CSMD1: variants seen among roughly 807,000 people sequenced by gnomAD.
CSMD1 encodes CUB and Sushi multiple domains 1, also known as CUB and sushi domain-containing protein 1.
Under a neutral mutation model 417.5 loss-of-function variants are expected in CSMD1, and 213 were observed. That is an observed-to-expected ratio of 0.51 (90% CI 0.46 to 0.57). The LOEUF (loss-of-function observed/expected upper bound fraction) is 0.57. Ranked by LOEUF, CSMD1 falls within the 20% of genes least tolerant of loss-of-function variation. CSMD1 has a pLI of 0.00. For synonymous variants in CSMD1, 2,862 were observed against 1,736.8 expected, an observed-to-expected ratio of 1.65 and a Z score of -16.11; for missense variants, 6,923 against 4,529.7, an observed-to-expected ratio of 1.53 and a Z score of -15.17.
intron 5 of CSMD1, among the ~76,000 whole-genome samples, chr8:3,813,091 GTT>G (rs10714284): frequency 0.015 from 2,095 of 135,452 alleles, 45 homozygotes; most frequent in African/African-American, 0.05. Context: ...TTTTAAGCTA[GTT>G]TTTTTTTTTT....
At chr8:4,671,616 T>C (rs746838563) in intron 1 of CSMD1, among the ~76,000 whole-genome samples, 43 of 152,198 alleles carry the variant, frequency 2.8e-4, no homozygotes, top group Admixed American at 5.2e-4. Flanking sequence ...ACAGTTCCTC[T>C]CTCAGCACAG....
chr8:4,199,530 C>T (rs1799528877), intron 3 of CSMD1, among the ~76,000 whole-genome samples: 1 of 152,102 alleles, frequency 6.6e-6, no homozygotes, highest in Admixed American at 6.6e-5. Context: ...TATAAGCGAT[C>T]ATCAGTATTG....
chr8:3,078,338 C>T (rs1813838467), intron 49 of CSMD1, among the ~76,000 whole-genome samples: 1 of 152,098 alleles, frequency 6.6e-6, no homozygotes, highest in Non-Finnish European at 1.5e-5. Flanking sequence ...TTTTGGGATG[C>T]TCGATGTGTG....
rs559846351 is a variant in CSMD1, at chr8:3,778,066, AG to A, written c.819-24025del. On this transcript the variant is annotated intron_variant, in intron 5 of 69. Coordinates refer to ENST00000635120, the MANE Select transcript of CSMD1 (RefSeq NM_033225.6). ...CTTAACAGGCTGTCCACGTCCCTCC[AG>A]GGGAAACTGGAGTTTGAGAGCTGCT... Among the ~76,000 whole-genome samples, 78 of 152,326 alleles carry A rather than the reference AG, an allele frequency of 5.1e-4. No homozygotes were observed. The East Asian group carries it at 0.014, about 26-fold the overall frequency.
intron 12 of CSMD1, among the ~76,000 whole-genome samples, chr8:3,436,924 CT>C (rs1344504659): frequency 1.3e-5 from 2 of 151,838 alleles, no homozygotes; most frequent in Admixed American, 6.6e-5. Context: ...TGTATGGCTT[CT>C]CCAAAAAAAA....
chr8:3,978,033 A>G (rs1310010693), intron 5 of CSMD1, among the ~76,000 whole-genome samples: 5 of 152,140 alleles, frequency 3.3e-5, no homozygotes, highest in African/African-American at 1.2e-4. Context: ...TTGCTTGTCC[A>G]TCTCATAGCT....
chr8:4,026,478 A>C (rs1797071267), intron 4 of CSMD1, among the ~76,000 whole-genome samples: 1 of 152,228 alleles, frequency 6.6e-6, no homozygotes, highest in Non-Finnish European at 1.5e-5. Context: ...GAAATTTTAA[A>C]GATCCTCCAA....
chr8:4,123,558 T>C (rs1245652237), intron 3 of CSMD1, among the ~76,000 whole-genome samples: 1 of 152,248 alleles, frequency 6.6e-6, no homozygotes, highest in Non-Finnish European at 1.5e-5. Context: ...GTAACACATT[T>C]AAAGTGAGGA....
chr8:3,982,925 G>A (rs572102575), intron 5 of CSMD1, among the ~76,000 whole-genome samples: 1 of 152,098 alleles, frequency 6.6e-6, no homozygotes, highest in African/African-American at 2.4e-5. Flanking sequence ...AATAGATATT[G>A]TTATATGCAC....
At chr8:4,848,909 T>C (rs951397649) in intron 1 of CSMD1, among the ~76,000 whole-genome samples, 3 of 152,250 alleles carry the variant, frequency 2.0e-5, no homozygotes, top group African/African-American at 7.2e-5. Context: ...TATATTGTAC[T>C]TTTTATTGTT....
At position 3,655,113 on chromosome 8, in the gene CSMD1, C is replaced by T. The variant is rs183651367; in HGVS notation, c.1010-38316G>A. Among the ~76,000 whole-genome samples the T allele has an allele frequency of 6.6e-5, 10 of 152,250 alleles. No homozygotes were observed. The East Asian group carries it at 1.7e-3, about 26-fold the overall frequency. On this transcript the variant is annotated intron_variant, in intron 7 of 69. Transcript: ENST00000635120. ...TTTTCATTCAAAATATGAAAATACA[C>T]ATTAATTTTCCAAGCTTTAGCTATA...
rs550054316 is a variant in CSMD1 at position 3,612,668 on chromosome 8, C to T, written c.1097+4042G>A. ...ATATGGCAACAAAATAGAAAACTTT[C>T]AAATAAATCATGGAACAAAAAAGTA... On this transcript the variant is annotated intron_variant, in intron 8 of 69. Coordinates refer to ENST00000635120, the MANE Select transcript of CSMD1 (RefSeq NM_033225.6). Among the ~76,000 whole-genome samples, 3 of 152,070 alleles carry T rather than the reference C, an allele frequency of 2.0e-5. No individual in the cohort carries two copies. In the East Asian group the frequency reaches 5.8e-4, roughly 29 times the overall value.
At chr8:3,671,560 CATATAT>C (rs752837903) in intron 7 of CSMD1, among the ~76,000 whole-genome samples, 284 of 6,522 alleles carry the variant, frequency 0.044, 30 homozygotes, top group South Asian at 0.094. Flanking sequence ...TATATATGAT[CATATAT>C]ATATATATAT....
chr8:4,160,954 T>A (rs1238384133), intron 3 of CSMD1, among the ~76,000 whole-genome samples: 1 of 152,196 alleles, frequency 6.6e-6, no homozygotes, highest in African/African-American at 2.4e-5. Flanking sequence ...TCAGATGTAT[T>A]TATCAGTTGA....
chr8:4,156,232 C>T (rs951581681), intron 3 of CSMD1, among the ~76,000 whole-genome samples: 2 of 152,120 alleles, frequency 1.3e-5, no homozygotes, highest in African/African-American at 4.8e-5. Flanking sequence ...GGGGTGGTAG[C>T]AAAATCTTTC....
At chr8:4,054,122 T>C (rs1033786879) in intron 3 of CSMD1, among the ~76,000 whole-genome samples, 17 of 152,152 alleles carry the variant, frequency 1.1e-4, no homozygotes, top group Non-Finnish European at 4.4e-5. Context: ...TAAGCAGCCA[T>C]TCTCCACTTT....
At chr8:4,126,321 G>T (rs1240397338) in intron 3 of CSMD1, among the ~76,000 whole-genome samples, 1 of 152,136 alleles carries the variant, frequency 6.6e-6, no homozygotes, top group Admixed American at 6.5e-5. Context: ...GGCTCTGTCT[G>T]GGCAGGGGGC....
At chr8:4,973,631 C>T (rs1810373226) in intron 1 of CSMD1, among the ~76,000 whole-genome samples, 1 of 152,150 alleles carries the variant, frequency 6.6e-6, no homozygotes, top group Non-Finnish European at 1.5e-5. Flanking sequence ...TACAAATCTT[C>T]CAAATGCCAT....
intron 5 of CSMD1, among the ~76,000 whole-genome samples, chr8:3,895,944 G>A (rs573402237): frequency 3.9e-5 from 6 of 152,134 alleles, no homozygotes; most frequent in Non-Finnish European, 8.8e-5. Context: ...AGGCACTTTA[G>A]GTCCCACTTG....
Sources: gnomAD v4.1 joint callset for allele counts (sites outside exome capture counted in the v4.1 genomes callset) on GRCh38, gnomAD v4.1.1 for gene constraint, MANE v1.5 for transcripts, NCBI Gene and HGNC (gene_info 2026-07-23, HGNC 2026-07-21) for gene names.